Variants in SMCHD1 observed in about 807,000 individuals in gnomAD.
SMCHD1 encodes the protein structural maintenance of chromosomes flexible hinge domain containing 1.
In SMCHD1, 78 loss-of-function variants were observed where a neutral mutation model predicts 254.7. The ratio of observed to expected loss-of-function variants is 0.31; its 90% CI spans 0.26 to 0.37. SMCHD1 has a LOEUF of 0.37. SMCHD1 is among the 10% of genes least tolerant of loss of function. SMCHD1 has a pLI of 1.00. For synonymous variants in SMCHD1, 766 were observed against 794.9 expected (o/e 0.96, Z 0.61); for missense variants, 1,840 against 2,408.1 (o/e 0.76, Z 4.94).
At chr18:2,703,204 A>G (rs186493354) in intron 12 of SMCHD1, among the ~76,000 whole-genome samples, 1 of 152,168 alleles carries the variant, frequency 6.6e-6, no homozygotes, top group East Asian at 1.9e-4. Flanking sequence ...CTTTTTCTCA[A>G]TTGTTTTCCC....
At position 2,791,694 on chromosome 18, in the gene SMCHD1, C is replaced by T. The variant is rs575517553; in HGVS notation, c.5720-4255C>T. 7.9e-5 allele frequency among the ~76,000 whole-genome samples: 12 copies of T among 152,290 alleles called. No individual in the cohort carries two copies. In the South Asian group the frequency reaches 2.5e-3, roughly 32 times the overall value. ...CAGCTTACTGCCTAGAGAGATTTTC[C>T]AGACTACGTAAAACAGAAAAGGGGA... On this transcript the variant is annotated intron_variant, in intron 45 of 47. Coordinates refer to ENST00000320876, the MANE Select transcript of SMCHD1 (RefSeq NM_015295.3).
chr18:2,704,195 G>T (rs890812918), intron 13 of SMCHD1, among the ~76,000 whole-genome samples: 1 of 152,010 alleles, frequency 6.6e-6, no homozygotes, highest in African/African-American at 2.4e-5. Context: ...CAGGAGCTAG[G>T]TAAGAATGAA....
chr18:2,656,172 C>T lies in SMCHD1; in HGVS notation c.97C>T (p.Arg33Trp). 1 of 1,512,706 alleles carries T rather than the reference C, an allele frequency of 6.6e-7. No individual in the cohort carries two copies. The allele number at this position is 1,512,706 out of a possible 1,614,324, so 93.7% of individuals were successfully genotyped here. The stretch of plus-strand genomic sequence containing the variant: ...CCACAGGACGGTGTACTTGTTTGAT[C>T]GGCGCGAAAAGGAGTCCGAGCTCGG... The part of the protein sequence containing the change: ...VGHRTVYLFD[R>W]REKESELGDR... Residue 33 changes from arginine to tryptophan, a missense_variant, in exon 1 of 48, where the codon CGG (arginine) becomes TGG (tryptophan). This residue lies in a region of SMCHD1 where 115 missense variants were observed against 99.1 expected (regional missense o/e 1.16). Transcript: ENST00000320876.
At position 2,694,683 on chromosome 18, in the gene SMCHD1, C is replaced by T. The variant is rs886041918; in HGVS notation, c.1030C>T (p.Arg344Ter). The T allele has an allele frequency of 6.2e-7, 1 of 1,610,154 alleles. No homozygotes were observed. The highest frequency in any genetic ancestry group is 8.5e-7 in the Non-Finnish European group (1 of 1,178,756). ...YLKNYFHLWTRQLAHIYHYYI... is the reference protein window; with the variant it reads ...YLKNYFHLWT ...GAAAAATTATTTCCACCTTTGGACA[C>T]GACAGTTAGCGTAAGTAATTATATT... Residue 344 changes from arginine (R) to a stop codon, truncating the protein, a stop_gained, in exon 8 of 48, where the codon CGA becomes TGA. Coordinates refer to ENST00000320876, the MANE Select transcript of SMCHD1 (RefSeq NM_015295.3). LOFTEE classifies it high-confidence loss of function.
rs745838636 is a variant in SMCHD1, at chr18:2,662,667, CAAAAAAAAA to C, written c.187-3475_187-3467del. ...CTCAACAACAATAACAACAAAAAAC[CAAAAAAAAA>C]AAAAAAAAAAAAAAGGGACATCATA... On this transcript the variant is annotated intron_variant, in intron 1 of 47. Coordinates refer to ENST00000320876, the MANE Select transcript of SMCHD1 (RefSeq NM_015295.3). 3.4e-4 allele frequency among the ~76,000 whole-genome samples: 12 copies of C among 35,684 alleles called. 1 individual carries two copies. Among genetic ancestry groups the C allele is most frequent in the African/African-American group, 1.5e-3 (12 of 8,116 alleles). The allele number at this position is 35,684 out of a possible 152,430, so 23.4% of individuals were successfully genotyped here. A position where few individuals can be genotyped will look rare whatever the true frequency, so the allele number is the denominator to read the frequency against.
Position 2,802,830 on chromosome 18 carries a change from TG to T in SMCHD1, c.*279del, listed in dbSNP as rs528312802. On this transcript the variant is annotated 3_prime_UTR_variant, in exon 48 of 48. Coordinates refer to ENST00000320876, the MANE Select transcript of SMCHD1 (RefSeq NM_015295.3). The stretch of plus-strand genomic sequence containing the variant: ...AATGTGTAAGAGGAAAATGTGCTAA[TG>T]TGGCAGTGACTGTAAAACTGGCACA... 469 of 339,002 alleles carry T rather than the reference TG, an allele frequency of 1.4e-3. 8 individuals carry two copies. Among genetic ancestry groups the T allele is most frequent in the African/African-American group, 9.2e-3 (437 of 47,280 alleles). 21.0% of individuals were successfully genotyped at this position (339,002 alleles called of 1,614,324 possible).
At chr18:2,789,229 A>T (rs567548364) in intron 45 of SMCHD1, among the ~76,000 whole-genome samples, 1 of 149,708 alleles carries the variant, frequency 6.7e-6, no homozygotes, top group African/African-American at 2.5e-5. Context: ...TTTGGTAGAC[A>T]TGGGGTTTTG....
intron 1 of SMCHD1, 65 bp from the exon 2 acceptor site, chr18:2,666,092 A>G (rs1280817855): frequency 2.7e-6 from 2 of 731,340 alleles, no homozygotes; most frequent in Non-Finnish European, 4.5e-6. Flanking sequence ...TCATATTTTT[A>G]TAAATTTGAA....
Position 2,721,428 on chromosome 18 carries a change from G to A in SMCHD1, c.2459-1091G>A, listed in dbSNP as rs115769023. Among the ~76,000 whole-genome samples, 1,509 of 151,946 alleles carry A rather than the reference G, an allele frequency of 9.9e-3. 20 individuals are homozygous for A. The highest frequency in any genetic ancestry group is 0.031 in the African/African-American group (1,277 of 41,416). On this transcript the variant is annotated intron_variant, in intron 19 of 47. Transcript: ENST00000320876. ...AGACTTTTTTATACATAAATCTACT[G>A]TGTTCTTTTAACACCTGTGGAACAT...
chr18:2,777,583 G>A (rs927495124), intron 42 of SMCHD1, among the ~76,000 whole-genome samples: 3 of 152,106 alleles, frequency 2.0e-5, no homozygotes, highest in Admixed American at 1.3e-4. Context: ...ACTAATAGAG[G>A]GTAGTAGTAC....
At chr18:2,662,667 C>CAAAAAAAAAAAAAAAAAAAAAAA (rs745838636) in intron 1 of SMCHD1, among the ~76,000 whole-genome samples, 8 of 35,670 alleles carry the variant, frequency 2.2e-4, no homozygotes, top group Admixed American at 3.3e-4. Context: ...AACAAAAAAC[C>CAAAAAAAAAAAAAAAAAAAAAAA]AAAAAAAAAA....
intron 44 of SMCHD1, among the ~76,000 whole-genome samples, chr18:2,778,629 C>T (rs539616141): frequency 2.0e-5 from 3 of 152,072 alleles, no homozygotes; most frequent in East Asian, 3.9e-4. Flanking sequence ...TTTATTGTAT[C>T]ACAGTTCTGG....
chr18:2,794,077 G>A (rs1351381159), intron 45 of SMCHD1, among the ~76,000 whole-genome samples: 2 of 152,258 alleles, frequency 1.3e-5, no homozygotes, highest in Non-Finnish European at 2.9e-5. Context: ...TTATCCAGAT[G>A]CTAAATGTTT....
chr18:2,700,915 A>G lies in SMCHD1; in HGVS notation c.1644A>G (p.Gly548=). ...CCCTTTTTACAAGGATTTTAAATGG[A>G]CAGGTATGATTTTTAAATATAAAGT... ...KNTLFTRILN[G]QEQRMKIDRE... is the part of the protein sequence containing the mutation. Residue 548 remains glycine (G), a synonymous_variant, in exon 12 of 48, where the codon GGA becomes GGG. Coordinates refer to ENST00000320876, the MANE Select transcript of SMCHD1 (RefSeq NM_015295.3). The G allele has an allele frequency of 6.3e-7, 1 of 1,579,564 alleles. No homozygotes were observed. Among genetic ancestry groups the G allele is most frequent in the Non-Finnish European group, 8.6e-7 (1 of 1,161,420 alleles).
intron 24 of SMCHD1, 124 bp downstream of exon 24, chr18:2,729,533 GCCAAA>G: frequency 1.6e-6 from 1 of 637,724 alleles, no homozygotes; most frequent in Non-Finnish European, 2.4e-6. Flanking sequence ...GGTTCTTTCA[GCCAAA>G]GCAAAGCAAA....
intron 41 of SMCHD1, among the ~76,000 whole-genome samples, chr18:2,774,128 T>A (rs1568362382): frequency 6.9e-6 from 1 of 144,524 alleles, no homozygotes. Context: ...GTTTTAAGAT[T>A]TTTTTTTCAG....
At chr18:2,683,636 G>A (rs184714797) in intron 5 of SMCHD1, among the ~76,000 whole-genome samples, 1 of 152,248 alleles carries the variant, frequency 6.6e-6, no homozygotes, top group Admixed American at 6.5e-5. Context: ...AGATTCTACT[G>A]GTTGATGATA....
chr18:2,760,467 C>T (rs1433130153), intron 34 of SMCHD1, 185 bp from the exon 35 acceptor site: 4 of 467,678 alleles, frequency 8.6e-6, no homozygotes, highest in East Asian at 3.6e-5. Flanking sequence ...AAAGAATGTA[C>T]AGGTAAGAGG....
At chr18:2,710,917 A>G (rs1216548133) in intron 17 of SMCHD1, among the ~76,000 whole-genome samples, 1 of 144,222 alleles carries the variant, frequency 6.9e-6, no homozygotes, top group Non-Finnish European at 1.5e-5. Flanking sequence ...GCATCAGTCC[A>G]GATAATTATG....
Sources: gnomAD v4.1 joint callset for allele counts (sites outside exome capture counted in the v4.1 genomes callset) on GRCh38, gnomAD v4.1.1 for gene constraint, gnomAD v4.1.1 regional missense constraint, MANE v1.5 for transcripts, NCBI Gene and HGNC (gene_info 2026-07-23, HGNC 2026-07-21) for gene names.